DBNL: variants seen among roughly 807,000 people sequenced by gnomAD.
DBNL encodes drebrin like, also known as drebrin-like protein.
A neutral mutation model predicts 62.2 loss-of-function variants in DBNL; 35 were observed. The observed-to-expected ratio is 0.56, with a 90% CI of 0.43 to 0.75. DBNL has a LOEUF of 0.75. DBNL is among the 30% of genes least tolerant of loss of function. The pLI is 0.00. For missense variants in DBNL, 495 were observed against 578.4 expected (o/e 0.86, Z 1.48); for synonymous variants, 197 against 218.0 (o/e 0.90, Z 0.85).
chr7:44,061,092 G>A lies in DBNL; in HGVS notation c.*176G>A. ...GCCTGTCACCCCAAATGCAGCAATG[G>A]CCTGGTGATTCCCACACATCCTTCC... On this transcript the variant is annotated 3_prime_UTR_variant, in exon 13 of 13. Transcript: ENST00000448521. 1.3e-6 allele frequency: 1 copy of A among 799,192 alleles called. No homozygotes were observed. Among genetic ancestry groups the A allele is most frequent in the South Asian group, 1.8e-5 (1 of 54,790 alleles). The allele number at this position is 799,192 out of a possible 1,614,324, so 49.5% of individuals were successfully genotyped here.
chr7:44,047,314 TAG>T (rs2096119063), intron 1 of DBNL, among the ~76,000 whole-genome samples: 1 of 152,066 alleles, frequency 6.6e-6, no homozygotes, highest in Non-Finnish European at 1.5e-5. Context: ...GAAAAAGTGG[TAG>T]AGATATCAGA....
In DBNL at chr7:44,058,414, C is replaced by A. The variant is rs763560436; in HGVS notation, c.705-18C>A. 2.5e-6 allele frequency: 4 copies of A among 1,614,034 alleles called. No homozygotes were observed. Among genetic ancestry groups the A allele is most frequent in the Non-Finnish European group, 3.4e-6 (4 of 1,180,008 alleles). On this transcript the variant is annotated intron_variant, in intron 7 of 12. Coordinates refer to ENST00000448521, the MANE Select transcript of DBNL (RefSeq NM_001014436.3). Reference sequence around the variant, plus strand: ...GTGACTGTGCCTCAGCTGTGCCCCACCCGGCCCTTCCCAGCAGGACGTGGG... The same window carrying A: ...GTGACTGTGCCTCAGCTGTGCCCCAACCGGCCCTTCCCAGCAGGACGTGGG...
rs755451927 is a variant in DBNL, at chr7:44,064,599, GAC to G, written c.*3687_*3688del. ...ACCTTTGGAGCCTGCCCCACCTCGG[GAC>G]ACAGCGAGCTTCGAGTGCAGTCAGC... On this transcript the variant is annotated 3_prime_UTR_variant, in exon 13 of 13. Transcript: ENST00000448521. 5.3e-6 allele frequency: 3 copies of G among 571,418 alleles called. No homozygotes were observed. Among genetic ancestry groups the G allele is most frequent in the Non-Finnish European group, 6.3e-6 (2 of 318,182 alleles). 35.4% of individuals were successfully genotyped at this position (571,418 alleles called of 1,614,324 possible).
At position 44,064,799 on chromosome 7, in the gene DBNL, C is replaced by CCCCGCGGCCGTAGGGGGGCG; in HGVS notation, c.*3884_*3885insCCGCGGCCGTAGGGGGGCGC. The CCCCGCGGCCGTAGGGGGGCG allele has an allele frequency of 8.2e-7, 1 of 1,212,908 alleles. No homozygotes were observed. Among genetic ancestry groups the CCCCGCGGCCGTAGGGGGGCG allele is most frequent in the Non-Finnish European group, 1.2e-6 (1 of 841,502 alleles). The allele number at this position is 1,212,908 out of a possible 1,614,324, so 75.1% of individuals were successfully genotyped here. A position where few individuals can be genotyped will look rare whatever the true frequency, so the allele number is the denominator to read the frequency against. On this transcript the variant is annotated 3_prime_UTR_variant, in exon 13 of 13. Coordinates refer to ENST00000448521, the MANE Select transcript of DBNL (RefSeq NM_001014436.3). ...GAAGCCAGCTGGGGCTGCTGCCCAC[C>CCCCGCGGCCGTAGGGGGGCG]CACCCTGCCCAGGCTCCTGAAGGTG...
intron 2 of DBNL, chr7:44,050,899 C>T (rs1267541240): frequency 6.6e-6 from 1 of 152,422 alleles, no homozygotes; most frequent in African/African-American, 2.4e-5. Flanking sequence ...CTTCATTGTT[C>T]AATGAACACT....
Position 44,068,761 on chromosome 7 carries a change from A to G in DBNL, c.*7845A>G, listed in dbSNP as rs1460392407. 6.6e-6 allele frequency: 1 copy of G among 152,248 alleles called. No homozygotes were observed. Among genetic ancestry groups the G allele is most frequent in the Admixed American group, 6.5e-5 (1 of 15,282 alleles). 9.4% of individuals were successfully genotyped at this position (152,248 alleles called of 1,614,324 possible). A position where few individuals can be genotyped will look rare whatever the true frequency, so the allele number is the denominator to read the frequency against. On this transcript the variant is annotated 3_prime_UTR_variant, in exon 13 of 13. Coordinates refer to ENST00000448521, the MANE Select transcript of DBNL (RefSeq NM_001014436.3). ...AAGCATGGAGTCCATAAATTAGATGATAGTTTGGAAAAAGATATAAACTTA... is the reference window on the plus strand; with the variant it reads ...AAGCATGGAGTCCATAAATTAGATGGTAGTTTGGAAAAAGATATAAACTTA...
rs555315183 is a variant in DBNL, at chr7:44,063,059, G to A, written c.*2143G>A. ...CCAATTCCTTCCCAGCCCTGAGAACGAGGCCACAGAAATGTTGCCAAAGGT... is the reference window on the plus strand; with the variant it reads ...CCAATTCCTTCCCAGCCCTGAGAACAAGGCCACAGAAATGTTGCCAAAGGT... On this transcript the variant is annotated 3_prime_UTR_variant, in exon 13 of 13. Transcript: ENST00000448521. 7.8e-5 allele frequency: 77 copies of A among 983,282 alleles called. No individual in the cohort carries two copies. The African/African-American group carries it at 9.7e-4, about 12-fold the overall frequency. The allele number at this position is 983,282 out of a possible 1,614,324, so 60.9% of individuals were successfully genotyped here. A position where few individuals can be genotyped will look rare whatever the true frequency, so the allele number is the denominator to read the frequency against.
At chr7:44,055,806 A>G (rs2096135221) in intron 4 of DBNL, among the ~76,000 whole-genome samples, 1 of 152,192 alleles carries the variant, frequency 6.6e-6, no homozygotes, top group Non-Finnish European at 1.5e-5. Context: ...TATTCTGGTC[A>G]CTAATTCCTT....
rs2096154354 is a variant in DBNL, at chr7:44,064,059, C to G, written c.*3143C>G. 1 of 152,570 alleles carries G rather than the reference C, an allele frequency of 6.6e-6. No homozygotes were observed. The allele number at this position is 152,570 out of a possible 1,614,324, so 9.5% of individuals were successfully genotyped here. ...GGCCCTAGGAGCAGGAGGTCTGGGG[C>G]ACACCCTTCTAGCCTTTCCAGGACT... On this transcript the variant is annotated 3_prime_UTR_variant, in exon 13 of 13. Coordinates refer to ENST00000448521, the MANE Select transcript of DBNL (RefSeq NM_001014436.3).
chr7:44,050,466 C>T lies in DBNL; in HGVS notation c.139+186C>T, dbSNP rs567109660. ...AACATTCCTCCTTGGTTCTCCTTCC[C>T]TCTGGGTGCAGGGGAGTGCTTTCTC... On this transcript the variant is annotated intron_variant, in intron 2 of 12. Coordinates refer to ENST00000448521, the MANE Select transcript of DBNL (RefSeq NM_001014436.3). The T allele has an allele frequency of 6.3e-5, 35 of 552,224 alleles. No individual in the cohort carries two copies. The South Asian group carries it at 6.8e-4, about 11-fold the overall frequency. The allele number at this position is 552,224 out of a possible 1,614,324, so 34.2% of individuals were successfully genotyped here. A position where few individuals can be genotyped will look rare whatever the true frequency, so the allele number is the denominator to read the frequency against.
chr7:44,054,684 A>G lies in DBNL; in HGVS notation c.327+1743A>G, dbSNP rs370341957. Among the ~76,000 whole-genome samples, 3 of 152,210 alleles carry G rather than the reference A, an allele frequency of 2.0e-5. No individual in the cohort carries two copies. The East Asian group carries it at 5.8e-4, about 29-fold the overall frequency. The stretch of plus-strand genomic sequence containing the variant: ...TAGCTAATTTGAAATACACAAAATT[A>G]TTGTTAACTATAATTTCCCTTCTGT... On this transcript the variant is annotated intron_variant, in intron 4 of 12. Transcript: ENST00000448521.
rs1241200596 is a variant in DBNL at position 44,062,829 on chromosome 7, G to T, written c.*1913G>T. On this transcript the variant is annotated 3_prime_UTR_variant, in exon 13 of 13. Transcript: ENST00000448521. The stretch of plus-strand genomic sequence containing the variant: ...TTCCGCACCGTTTCCTCATCACCCA[G>T]GAACTGCATGGGCTTGGTGGGCTTC... 1 of 1,614,232 alleles carries T rather than the reference G, an allele frequency of 6.2e-7. No homozygotes were observed. Among genetic ancestry groups the T allele is most frequent in the Admixed American group, 1.7e-5 (1 of 60,032 alleles).
In DBNL at chr7:44,061,810, G is replaced by C. The variant is rs556116973; in HGVS notation, c.*894G>C. ...GGAATAGCACCCCACCACCTGCCCA[G>C]TGTCTGCCTCTGCTCCGTGTCTGGG... On this transcript the variant is annotated 3_prime_UTR_variant, in exon 13 of 13. Coordinates refer to ENST00000448521, the MANE Select transcript of DBNL (RefSeq NM_001014436.3). 1 of 152,516 alleles carries C rather than the reference G, an allele frequency of 6.6e-6. No homozygotes were observed. Among genetic ancestry groups the C allele is most frequent in the African/African-American group, 2.4e-5 (1 of 41,552 alleles). 9.4% of individuals were successfully genotyped at this position (152,516 alleles called of 1,614,324 possible).
chr7:44,058,419 C>A lies in DBNL; in HGVS notation c.705-13C>A, dbSNP rs1027312346. The A allele has an allele frequency of 6.2e-7, 1 of 1,614,178 alleles. No individual in the cohort carries two copies. Among genetic ancestry groups the A allele is most frequent in the Non-Finnish European group, 8.5e-7 (1 of 1,180,012 alleles). ...TGTGCCTCAGCTGTGCCCCACCCGG[C>A]CCTTCCCAGCAGGACGTGGGAGCAG... On this transcript the variant is annotated splice_polypyrimidine_tract_variant and intron_variant, in intron 7 of 12. Coordinates refer to ENST00000448521, the MANE Select transcript of DBNL (RefSeq NM_001014436.3).
chr7:44,044,871 G>A (rs934997994), intron 1 of DBNL, 51 bp downstream of exon 1: 1 of 1,377,210 alleles, frequency 7.3e-7, no homozygotes, highest in Non-Finnish European at 9.4e-7. Flanking sequence ...TCAGGGGTGG[G>A]TCTGTCTGGG....
chr7:44,047,614 A>G (rs1307861795), intron 1 of DBNL, among the ~76,000 whole-genome samples: 1 of 152,216 alleles, frequency 6.6e-6, no homozygotes, highest in Non-Finnish European at 1.5e-5. Flanking sequence ...GGGATTGTTC[A>G]TAGCTGCATT....
chr7:44,046,495 T>G (rs2096117546), intron 1 of DBNL, among the ~76,000 whole-genome samples: 1 of 152,134 alleles, frequency 6.6e-6, no homozygotes, highest in South Asian at 2.1e-4. Flanking sequence ...CCTGGCCCGG[T>G]GCTTACCCAC....
At chr7:44,051,585 TAAA>T (rs917264871) in intron 2 of DBNL, 1 of 344,176 alleles carries the variant, frequency 2.9e-6, no homozygotes, top group African/African-American at 2.1e-5. Context: ...CGAGTGTGGG[TAAA>T]AAAAATTACC....
In DBNL at chr7:44,068,241, A is replaced by T. The variant is rs965613101; in HGVS notation, c.*7325A>T. ...TCAGGGAGTATGCAGCAGGGTAGGT[A>T]GGGAAAGAGCCCCAGATTTGTGGCT... On this transcript the variant is annotated 3_prime_UTR_variant, in exon 13 of 13. Transcript: ENST00000448521. 1.3e-5 allele frequency: 2 copies of T among 152,138 alleles called. No homozygotes were observed. The highest frequency in any genetic ancestry group is 2.9e-5 in the Non-Finnish European group (2 of 68,052). The allele number at this position is 152,138 out of a possible 1,614,324, so 9.4% of individuals were successfully genotyped here.
Sources: gnomAD v4.1 joint callset for allele counts (sites outside exome capture counted in the v4.1 genomes callset) on GRCh38, gnomAD v4.1.1 for gene constraint, MANE v1.5 for transcripts, NCBI Gene and HGNC (gene_info 2026-07-23, HGNC 2026-07-21) for gene names.